The following AANAT variants were observed in gnomAD, a reference collection of about 807,000 sequenced individuals.
The protein encoded by AANAT is serotonin N-acetyltransferase.
In AANAT, 11 loss-of-function variants were observed where a neutral mutation model predicts 15.6. That is an observed-to-expected ratio of 0.71 (90% confidence interval 0.44 to 1.17). The LOEUF is 1.17. Ranked by LOEUF, AANAT falls within the 50% of genes most tolerant of loss-of-function variation. The pLI, the probability that AANAT is intolerant of heterozygous loss-of-function variation, is 0.00. For synonymous variants in AANAT, 139 were observed against 131.5 expected, an observed-to-expected ratio of 1.06 and a Z score of -0.39; for missense variants, 286 against 296.3, an observed-to-expected ratio of 0.97 and a Z score of 0.26.
At chr17:76,458,060 A>G (rs1311091895) in intron 1 of AANAT, among the ~76,000 whole-genome samples, 2 of 152,130 alleles carry the variant, frequency 1.3e-5, no homozygotes, top group East Asian at 1.9e-4. Flanking sequence ...GAAAATTATC[A>G]TGTTAGCGGA....
chr17:76,469,859 C>T lies in AANAT; in HGVS notation c.513C>T (p.Phe171=), dbSNP rs2073502869. The T allele has an allele frequency of 2.5e-6, 4 of 1,602,018 alleles. No homozygotes were observed. The Admixed American group carries it at 5.1e-5, about 21-fold the overall frequency. Residue 171 remains phenylalanine, a synonymous_variant, in exon 4 of 4, where the codon TTC becomes TTT. Coordinates refer to ENST00000392492, the MANE Select transcript of AANAT (RefSeq NM_001088.3). The surrounding 1 kb of genome is among the most constrained non-coding windows in gnomAD (Gnocchi z 5.2). ...EDALVPFYER[F]SFHAVGPCAI... ...CGCTGGTACCCTTCTATGAGAGGTT[C>T]AGCTTCCACGCCGTGGGCCCCTGCG...
Position 76,469,829 on chromosome 17 carries a change from G to T in AANAT, c.483G>T (p.Glu161Asp), listed in dbSNP as rs144231136. 3 of 1,605,010 alleles carry T rather than the reference G, an allele frequency of 1.9e-6. No individual in the cohort carries two copies. The highest frequency in any genetic ancestry group is 2.5e-6 in the Non-Finnish European group (3 of 1,176,998). The change falls in exon 4 of 4, where the codon GAG becomes GAT. Residue 161 changes from glutamate to aspartate, a missense_variant. Transcript: ENST00000392492. The surrounding 1 kb of genome is among the most constrained non-coding windows in gnomAD (Gnocchi z 5.2). ...PAVRRAALMC[E>D]DALVPFYERF... Reference sequence around the variant, plus strand: ...TGCGCCGGGCCGCGCTCATGTGCGAGGACGCGCTGGTACCCTTCTATGAGA... The same window carrying T: ...TGCGCCGGGCCGCGCTCATGTGCGATGACGCGCTGGTACCCTTCTATGAGA...
chr17:76,455,121 C>T (rs1322687739), intron 1 of AANAT, among the ~76,000 whole-genome samples: 7 of 144,094 alleles, frequency 4.9e-5, no homozygotes, highest in African/African-American at 7.8e-5. Flanking sequence ...AGTGAGATTC[C>T]GTCTCAAAAA....
intron 2 of AANAT, among the ~76,000 whole-genome samples, chr17:76,461,932 C>A (rs1026722952): frequency 1.3e-5 from 2 of 152,156 alleles, no homozygotes; most frequent in African/African-American, 4.8e-5. Flanking sequence ...GAATTCCCAA[C>A]CTTAATGAGT....
upstream of AANAT, among the ~76,000 whole-genome samples, chr17:76,466,715 C>T (rs1024480531): frequency 3.3e-5 from 5 of 152,142 alleles, no homozygotes; most frequent in East Asian, 1.9e-4. Context: ...TTCTCTATAA[C>T]GTGGTTAATA....
rs565284426 is a variant in AANAT, at chr17:76,458,112, C to T, written c.-575-1135C>T. Among the ~76,000 whole-genome samples, 36 of 152,312 alleles carry T rather than the reference C, an allele frequency of 2.4e-4. 1 individual carries two copies. The South Asian group carries it at 4.4e-3, about 18-fold the overall frequency. On this transcript the variant is annotated intron_variant, in intron 1 of 6. Transcript: ENST00000250615. Reference sequence around the variant, plus strand: ...ACCTGTACCTCCATTCTGTCAGTTTCCTATCCTTTTTCCAACAACCAAAAG... The same window carrying T: ...ACCTGTACCTCCATTCTGTCAGTTTTCTATCCTTTTTCCAACAACCAAAAG...
Position 76,469,134 on chromosome 17 carries a change from C to T in AANAT, c.164-39C>T, listed in dbSNP as rs747296425. ...TGCAGCAGACAGTGGACGCGAGGCA[C>T]AGCGACTACCAGTCACCCACCTGAG... On this transcript the variant is annotated intron_variant, in intron 2 of 3. Coordinates refer to ENST00000392492, the MANE Select transcript of AANAT (RefSeq NM_001088.3). The surrounding 1 kb of genome is among the most constrained non-coding windows in gnomAD (Gnocchi z 5.2). 22 of 1,611,318 alleles carry T rather than the reference C, an allele frequency of 1.4e-5. No individual in the cohort carries two copies. The highest frequency in any genetic ancestry group is 1.6e-4 in the Middle Eastern group (1 of 6,078).
At chr17:76,459,743 A>G (rs1047109265) in intron 2 of AANAT, among the ~76,000 whole-genome samples, 4 of 152,258 alleles carry the variant, frequency 2.6e-5, no homozygotes, top group African/African-American at 9.6e-5. Context: ...GGTGGGAATA[A>G]TAATAATACC....
chr17:76,466,096 G>T (rs2073435169), upstream of AANAT: 17 of 1,306,548 alleles, frequency 1.3e-5, no homozygotes, highest in African/African-American at 1.5e-5. Flanking sequence ...AGTCAGCAAA[G>T]AGAGAGGCCG....
At chr17:76,454,988 G>A (rs141149163) in intron 1 of AANAT, among the ~76,000 whole-genome samples, 5,062 of 152,092 alleles carry the variant, frequency 0.033, 108 homozygotes, top group Non-Finnish European at 0.049. Flanking sequence ...TTAGCCGGGC[G>A]CGGTGGCAGC....
chr17:76,459,947 G>A (rs1040299134), intron 2 of AANAT, among the ~76,000 whole-genome samples: 3 of 152,126 alleles, frequency 2.0e-5, no homozygotes, highest in Non-Finnish European at 4.4e-5. Flanking sequence ...TTCCCAGGGT[G>A]ACTGAAAATG....
chr17:76,469,448 C>T lies in AANAT; in HGVS notation c.318+121C>T. On this transcript the variant is annotated intron_variant, in intron 3 of 3. Transcript: ENST00000392492. This position sits in a 1 kb window ranked among gnomAD's most constrained non-coding sequence, Gnocchi z 5.2. Reference sequence around the variant, plus strand: ...TCCTCCAGAACTGGAGAGATGAGTACAGGCCACAGGCCCCTCCCAGAGCAA... The same window carrying T: ...TCCTCCAGAACTGGAGAGATGAGTATAGGCCACAGGCCCCTCCCAGAGCAA... The T allele has an allele frequency of 1.5e-6, 2 of 1,367,978 alleles. No homozygotes were observed. The highest frequency in any genetic ancestry group is 1.4e-5 in the South Asian group (1 of 73,024). 84.7% of individuals were successfully genotyped at this position (1,367,978 alleles called of 1,614,324 possible).
chr17:76,469,133 A>AC lies in AANAT; in HGVS notation c.164-39dup. The AC allele has an allele frequency of 1.2e-6, 2 of 1,611,474 alleles. No homozygotes were observed. The highest frequency in any genetic ancestry group is 1.7e-6 in the Non-Finnish European group (2 of 1,178,454). On this transcript the variant is annotated intron_variant, in intron 2 of 3. Coordinates refer to ENST00000392492, the MANE Select transcript of AANAT (RefSeq NM_001088.3). The surrounding 1 kb of genome is among the most constrained non-coding windows in gnomAD (Gnocchi z 5.2). ...GTGCAGCAGACAGTGGACGCGAGGC[A>AC]CAGCGACTACCAGTCACCCACCTGA...
chr17:76,461,169 A>AAAAAAC (rs1031671096), intron 2 of AANAT, among the ~76,000 whole-genome samples: 2 of 151,778 alleles, frequency 1.3e-5, no homozygotes, highest in South Asian at 2.1e-4. Flanking sequence ...CATCTTAAAA[A>AAAAAAC]AAAAACAAAA....
chr17:76,460,418 C>G (rs932306152), intron 2 of AANAT, among the ~76,000 whole-genome samples: 4 of 151,974 alleles, frequency 2.6e-5, no homozygotes, highest in African/African-American at 9.7e-5. Context: ...TCCCAAAGTG[C>G]TGGGATTACA....
At chr17:76,457,232 G>T (rs1466960005) in intron 1 of AANAT, among the ~76,000 whole-genome samples, 1 of 151,950 alleles carries the variant, frequency 6.6e-6, no homozygotes, top group Non-Finnish European at 1.5e-5. Flanking sequence ...TAGTAGAGAC[G>T]GGGTTTACCA....
chr17:76,468,844 C>T lies in AANAT; in HGVS notation c.98C>T (p.Pro33Leu). ...SPSCQRRHTL[P>L]ASEFRCLTPE... ...AGCTGTCAGCGGCGCCACACACTCC[C>T]TGCCAGTGAGTTTCGCTGCCTCACC... Residue 33 changes from proline to leucine, a missense_variant, in exon 2 of 4, where the codon CCT becomes CTT. By Grantham distance (98) the Pro-to-Leu change is moderately conservative. Transcript: ENST00000392492. The T allele has an allele frequency of 6.2e-7, 1 of 1,613,712 alleles. No homozygotes were observed.
At chr17:76,458,349 G>A (rs764726604) in intron 1 of AANAT, among the ~76,000 whole-genome samples, 23 of 152,230 alleles carry the variant, frequency 1.5e-4, no homozygotes, top group Non-Finnish European at 2.9e-4. Flanking sequence ...CCCCAGCCAC[G>A]GTCTCCATAC....
chr17:76,455,161 C>T (rs1264903250), intron 1 of AANAT, among the ~76,000 whole-genome samples: 1 of 151,940 alleles, frequency 6.6e-6, no homozygotes, highest in Non-Finnish European at 1.5e-5. Context: ...CACAGTGGCT[C>T]ACGCCTGAAA....
Sources: allele counts gnomAD v4.1 joint callset (sites outside exome capture counted in the v4.1 genomes callset), GRCh38; gene constraint gnomAD v4.1.1; non-coding constraint Gnocchi (gnomAD v3.1); transcripts MANE v1.5; gene names NCBI Gene and HGNC (gene_info 2026-07-23, HGNC 2026-07-21).